Variants in ADGRL2 observed in about 807,000 individuals in gnomAD.
The protein encoded by ADGRL2 is adhesion G protein-coupled receptor L2.
Under a neutral mutation model 157.4 loss-of-function variants are expected in ADGRL2, and 44 were observed. The ratio of observed to expected loss-of-function variants is 0.28; its 90% CI spans 0.22 to 0.36. The LOEUF (loss-of-function observed/expected upper bound fraction) is 0.36, where lower values mean the gene tolerates loss of function less well. Among genes scored for constraint, ADGRL2 ranks in the 10% least tolerant of loss-of-function variants. The probability of loss-of-function intolerance (pLI) is 1.00; values close to 1 mark genes in which losing one functional copy is unlikely to be tolerated. For synonymous variants in ADGRL2, 585 were observed against 624.7 expected, an observed-to-expected ratio of 0.94 and a Z score of 0.95; for missense variants, 1,510 against 1,768.9, an observed-to-expected ratio of 0.85 and a Z score of 2.63.
At position 81,617,866 on chromosome 1, in the gene ADGRL2, A is replaced by G. The variant is rs2081696198; in HGVS notation, c.-143+36886A>G. Among the ~76,000 whole-genome samples, 5 of 152,292 alleles carry G rather than the reference A, an allele frequency of 3.3e-5. No homozygotes were observed. The South Asian group carries it at 8.3e-4, about 25-fold the overall frequency. ...GCTGGGGTCATTGGAACTAAAATGA[A>G]CAACAACAAAAATTCCACCCACTCT... On this transcript the variant is annotated intron_variant, in intron 3 of 24. Transcript: ENST00000370721.
intron 1 of ADGRL2, among the ~76,000 whole-genome samples, chr1:81,350,978 C>G (rs11163257): frequency 0.75 from 114,699 of 152,096 alleles, 44,010 homozygotes; most frequent in African/African-American, 0.84. Flanking sequence ...TAAATGCAAA[C>G]TTACAGAAAT....
At chr1:81,779,049 T>C (rs978736332) in intron 2 of ADGRL2, among the ~76,000 whole-genome samples, 1 of 152,206 alleles carries the variant, frequency 6.6e-6, no homozygotes, top group African/African-American at 2.4e-5. Flanking sequence ...ATTTTGTCTT[T>C]CAATTTTTAG....
In ADGRL2 at chr1:81,894,469, A is replaced by G. The variant is rs146470037; in HGVS notation, c.74-12548A>G. Among the ~76,000 whole-genome samples, 576 of 152,226 alleles carry G rather than the reference A, an allele frequency of 3.8e-3. 3 individuals are homozygous for G. Among genetic ancestry groups the G allele is most frequent in the African/African-American group, 0.013 (520 of 41,542 alleles). The stretch of plus-strand genomic sequence containing the variant: ...TTCTTTTGTGTGTATCATATTACCC[A>G]CTTGATTAGTTGTTCCCACAAGCTC... On this transcript the variant is annotated intron_variant, in intron 2 of 23. Coordinates refer to ENST00000686636, the MANE Select transcript of ADGRL2 (RefSeq NM_001366006.2).
intron 1 of ADGRL2, chr1:81,427,608 T>G: frequency 1.4e-6 from 1 of 695,206 alleles, no homozygotes; most frequent in South Asian, 1.5e-5. Context: ...AGCAGAAGGT[T>G]TTGAAAACAG....
intron 19 of ADGRL2, 107 bp downstream of exon 19, chr1:81,982,083 G>T: frequency 1.1e-6 from 1 of 895,208 alleles, no homozygotes; most frequent in Admixed American, 3.4e-5. Context: ...TTGTTAAAGA[G>T]CATTATATTT....
In ADGRL2 at chr1:81,836,915, T is replaced by C. The variant is rs12064537; in HGVS notation, c.-70T>C. 0.41 allele frequency: 358,294 copies of C among 866,464 alleles called. 77,726 individuals are homozygous for C. Among genetic ancestry groups the C allele is most frequent in the Middle Eastern group, 0.62 (2,773 of 4,476 alleles). 53.7% of individuals were successfully genotyped at this position (866,464 alleles called of 1,614,324 possible). On this transcript the variant is annotated 5_prime_UTR_variant, in exon 2 of 24. Transcript: ENST00000686636. ...AAGATCAATGATGCAGACTGATGGT[T>C]TTGATGAAGCTGGGCATTTATAACT...
At chr1:81,950,607 T>C in intron 7 of ADGRL2, 125 bp downstream of exon 7, 1 of 902,832 alleles carries the variant, frequency 1.1e-6, no homozygotes, top group Non-Finnish European at 1.7e-6. Flanking sequence ...TGTACTTTGG[T>C]AATATAACAT....
rs762558236 is a variant in ADGRL2, at chr1:81,955,857, T to G, written c.1834-20T>G. 1.3e-6 allele frequency: 2 copies of G among 1,511,400 alleles called. No homozygotes were observed. Among genetic ancestry groups the G allele is most frequent in the South Asian group, 2.6e-5 (2 of 77,794 alleles). 93.6% of individuals were successfully genotyped at this position (1,511,400 alleles called of 1,614,324 possible). On this transcript the variant is annotated intron_variant, in intron 10 of 23. Transcript: ENST00000686636. ...TTCTAAAAGCGGTCAAAACTAATGA[T>G]AGTTTTCTAATGGATACAGGCAATT...
At chr1:81,944,038 G>A (rs1648949463) in intron 6 of ADGRL2, among the ~76,000 whole-genome samples, 1 of 151,872 alleles carries the variant, frequency 6.6e-6, no homozygotes, top group Non-Finnish European at 1.5e-5. Context: ...AAACCTGTTA[G>A]CAGTGTTTTT....
At position 81,817,485 on chromosome 1, in the gene ADGRL2, T is replaced by TA. The variant is rs199635165; in HGVS notation, c.-101+16423dup. ...TATATGTAAATAATACACATTTTTT[T>TA]AAAAAATTGAAGATCGTTCTCAATT... On this transcript the variant is annotated intron_variant, in intron 1 of 23. Coordinates refer to ENST00000686636, the MANE Select transcript of ADGRL2 (RefSeq NM_001366006.2). Among the ~76,000 whole-genome samples, 1,215 of 152,164 alleles carry TA rather than the reference T, an allele frequency of 8.0e-3. 16 individuals are homozygous for TA. Among genetic ancestry groups the TA allele is most frequent in the African/African-American group, 0.028 (1,150 of 41,530 alleles).
intron 1 of ADGRL2, among the ~76,000 whole-genome samples, chr1:81,748,467 C>CAAAAAAAAA (rs973818702): frequency 8.3e-4 from 35 of 42,302 alleles, no homozygotes; most frequent in Non-Finnish European, 1.0e-3. Context: ...GATTCCGTCT[C>CAAAAAAAAA]AAAAAAAAAA....
intron 1 of ADGRL2, among the ~76,000 whole-genome samples, chr1:81,818,645 A>G (rs749144339): frequency 1.3e-5 from 2 of 152,200 alleles, no homozygotes; most frequent in Non-Finnish European, 2.9e-5. Flanking sequence ...ACAGCCATTT[A>G]TTAAGGCCAT....
At position 81,383,789 on chromosome 1, in the gene ADGRL2, C is replaced by T. The variant is rs193048007; in HGVS notation, c.-301-61247C>T. Among the ~76,000 whole-genome samples the T allele has an allele frequency of 2.9e-3, 410 of 140,472 alleles. 11 individuals are homozygous for T. In the East Asian group the frequency reaches 0.045, roughly 16 times the overall value. The allele number at this position is 140,472 out of a possible 152,430, so 92.2% of individuals were successfully genotyped here. ...ACCATCCTGGCTAACACGGTGAACT[C>T]CCATCTCTACTAAAAATACAAAAAA... On this transcript the variant is annotated intron_variant, in intron 1 of 24. Transcript: ENST00000370721.
chr1:81,383,950 T>A, intron 1 of ADGRL2, among the ~76,000 whole-genome samples: 1 of 122,604 alleles, frequency 8.2e-6, no homozygotes, highest in Admixed American at 8.6e-5. Flanking sequence ...CAAGACTCTG[T>A]CTCAAAAAAA....
chr1:81,981,756 G>T, intron 18 of ADGRL2, 52 bp from the exon 19 acceptor site: 1 of 1,402,064 alleles, frequency 7.1e-7, no homozygotes, highest in Non-Finnish European at 9.9e-7. Flanking sequence ...TAAGCGTGAT[G>T]TGTGTTTTTT....
intron 1 of ADGRL2, among the ~76,000 whole-genome samples, chr1:81,813,216 T>C (rs2090050395): frequency 6.8e-6 from 1 of 147,318 alleles, no homozygotes; most frequent in South Asian, 2.2e-4. Context: ...TAGAATTTGC[T>C]TGTTGGTTGG....
intron 2 of ADGRL2, among the ~76,000 whole-genome samples, chr1:81,517,464 C>CAAAAAA (rs397956551): frequency 2.2e-4 from 10 of 45,250 alleles, no homozygotes; most frequent in East Asian, 7.5e-4. Context: ...GACTCCCTCT[C>CAAAAAA]AAAAAAAAAA....
intron 2 of ADGRL2, among the ~76,000 whole-genome samples, chr1:81,888,972 CCA>C (rs2094197159): frequency 6.6e-6 from 1 of 152,028 alleles, no homozygotes; most frequent in Non-Finnish European, 1.5e-5. Context: ...AATTGGAGTG[CCA>C]TGAATCATGC....
chr1:81,910,244 CAATAATAAT>C (rs10631240), intron 3 of ADGRL2, among the ~76,000 whole-genome samples: 4 of 143,056 alleles, frequency 2.8e-5, no homozygotes, highest in African/African-American at 7.7e-5. Context: ...GCCTAAAAAA[CAATAATAAT>C]AATAATAATA....
Sources: gnomAD v4.1 joint callset for allele counts (sites outside exome capture counted in the v4.1 genomes callset) on GRCh38, gnomAD v4.1.1 for gene constraint, MANE v1.5 for transcripts, NCBI Gene and HGNC (gene_info 2026-07-23, HGNC 2026-07-21) for gene names.